Variants in STK32B observed in about 807,000 individuals in gnomAD.
STK32B encodes the protein serine/threonine-protein kinase 32B.
A neutral mutation model predicts 52.6 loss-of-function variants in STK32B; 43 were observed. The ratio of observed to expected loss-of-function variants is 0.82; its 90% CI spans 0.64 to 1.05. The LOEUF is 1.05. Among genes scored for constraint, STK32B ranks in the 50% least tolerant of loss-of-function variants. The probability of loss-of-function intolerance (pLI) is 0.00; values close to 1 mark genes in which losing one functional copy is unlikely to be tolerated. For missense variants in STK32B, 621 were observed against 534.6 expected, an observed-to-expected ratio of 1.16 and a Z score of -1.59; for synonymous variants, 238 against 204.3, an observed-to-expected ratio of 1.17 and a Z score of -1.41.
chr4:5,243,356 C>A (rs528004154), intron 3 of STK32B, among the ~76,000 whole-genome samples: 9 of 152,240 alleles, frequency 5.9e-5, no homozygotes, highest in Admixed American at 1.3e-4. Flanking sequence ...AATGGGAGTT[C>A]ACTCATGATT....
rs146869910 is a variant in STK32B, at chr4:5,499,930, C to T, written c.*847C>T. 6.6e-6 allele frequency: 1 copy of T among 152,232 alleles called. No individual in the cohort carries two copies. Among genetic ancestry groups the T allele is most frequent in the East Asian group, 1.9e-4 (1 of 5,182 alleles). The allele number at this position is 152,232 out of a possible 1,614,324, so 9.4% of individuals were successfully genotyped here. A position where few individuals can be genotyped will look rare whatever the true frequency, so the allele number is the denominator to read the frequency against. On this transcript the variant is annotated 3_prime_UTR_variant, in exon 12 of 12. Coordinates refer to ENST00000282908, the MANE Select transcript of STK32B (RefSeq NM_018401.3). Reference sequence around the variant, plus strand: ...GCAGAACTCTCCAACTCTCTATCAGCTTTCAGGGTTTTCTCTCCTGGGAAG... The same window carrying T: ...GCAGAACTCTCCAACTCTCTATCAGTTTTCAGGGTTTTCTCTCCTGGGAAG...
chr4:5,175,353 C>T (rs1205390029), intron 3 of STK32B, among the ~76,000 whole-genome samples: 1 of 152,208 alleles, frequency 6.6e-6, no homozygotes, highest in Non-Finnish European at 1.5e-5. Context: ...TGAGGAGCTG[C>T]GTTCCTTTGG....
intron 1 of STK32B, among the ~76,000 whole-genome samples, chr4:5,077,581 CCTT>C (rs1271649953): frequency 6.6e-6 from 1 of 152,146 alleles, no homozygotes; most frequent in Non-Finnish European, 1.5e-5. Context: ...CCTCCCCAGC[CCTT>C]TTCCCAAGAT....
rs1200954296 is a variant in STK32B at position 5,489,993 on chromosome 4, T to C, written c.1107-8952T>C. Among the ~76,000 whole-genome samples the C allele has an allele frequency of 2.6e-5, 4 of 152,206 alleles. No homozygotes were observed. The East Asian group carries it at 5.8e-4, about 22-fold the overall frequency. On this transcript the variant is annotated intron_variant, in intron 11 of 11. Transcript: ENST00000282908. ...TCTTGTAGTTTTTATTTTAGAATTTTGTCATTGGATAGTAATACAAACTCA... is the reference window on the plus strand; with the variant it reads ...TCTTGTAGTTTTTATTTTAGAATTTCGTCATTGGATAGTAATACAAACTCA...
chr4:5,169,849 C>A (rs1200045020), intron 3 of STK32B, among the ~76,000 whole-genome samples: 2 of 152,130 alleles, frequency 1.3e-5, no homozygotes, highest in African/African-American at 4.8e-5. Context: ...GCTCTTCAGA[C>A]TCAGATTAAA....
chr4:5,088,058 C>T (rs553785974), intron 1 of STK32B, among the ~76,000 whole-genome samples: 13 of 152,032 alleles, frequency 8.6e-5, no homozygotes, highest in African/African-American at 3.1e-4. Context: ...AAAACAGTCT[C>T]AATAAGTTTA....
At chr4:5,259,808 A>C (rs1422398398) in intron 3 of STK32B, among the ~76,000 whole-genome samples, 1 of 152,168 alleles carries the variant, frequency 6.6e-6, no homozygotes, top group Non-Finnish European at 1.5e-5. Flanking sequence ...ATTTTAATGC[A>C]AAATAATAAG....
intron 3 of STK32B, among the ~76,000 whole-genome samples, chr4:5,242,733 C>G (rs1344171049): frequency 6.6e-6 from 1 of 152,146 alleles, no homozygotes; most frequent in Non-Finnish European, 1.5e-5. Context: ...AGTCTTTAAT[C>G]CATCTTGCAT....
At chr4:5,314,880 A>G (rs1220961448) in intron 3 of STK32B, among the ~76,000 whole-genome samples, 1 of 152,188 alleles carries the variant, frequency 6.6e-6, no homozygotes, top group African/African-American at 2.4e-5. Flanking sequence ...TAAAAATATA[A>G]CATTGATAGA....
intron 3 of STK32B, among the ~76,000 whole-genome samples, chr4:5,200,951 C>G (rs527665811): frequency 6.6e-6 from 1 of 152,338 alleles, no homozygotes; most frequent in East Asian, 1.9e-4. Context: ...CCTCAACAGA[C>G]AGGTGGTACT....
intron 2 of STK32B, among the ~76,000 whole-genome samples, chr4:5,146,123 G>A (rs1197842430): frequency 8.0e-5 from 12 of 150,770 alleles, no homozygotes; most frequent in South Asian, 2.1e-4. Context: ...GATTGTGTAC[G>A]ACGATTGTCT....
At chr4:5,130,278 G>A (rs1195508698) in intron 1 of STK32B, among the ~76,000 whole-genome samples, 1 of 151,826 alleles carries the variant, frequency 6.6e-6, no homozygotes, top group African/African-American at 2.4e-5. Context: ...AGAGTGCCTG[G>A]GCTGTGAGGC....
intron 11 of STK32B, among the ~76,000 whole-genome samples, chr4:5,480,803 A>G (rs978252767): frequency 1.3e-5 from 2 of 151,872 alleles, no homozygotes; most frequent in Admixed American, 6.6e-5. Context: ...TCATTGTTCA[A>G]TTCCCACCTA....
chr4:5,430,449 TC>T (rs1270503017), intron 6 of STK32B, among the ~76,000 whole-genome samples: 2 of 152,214 alleles, frequency 1.3e-5, no homozygotes, highest in Non-Finnish European at 2.9e-5. Flanking sequence ...TCTATTGAAA[TC>T]CCCGTCTGTT....
intron 3 of STK32B, among the ~76,000 whole-genome samples, chr4:5,175,644 C>T (rs1719811401): frequency 1.3e-5 from 2 of 152,198 alleles, no homozygotes; most frequent in African/African-American, 2.4e-5. Flanking sequence ...AATGCTGCTG[C>T]CTGATCGTTC....
At chr4:5,203,541 AG>A (rs1309971372) in intron 3 of STK32B, among the ~76,000 whole-genome samples, 1 of 151,972 alleles carries the variant, frequency 6.6e-6, no homozygotes, top group Non-Finnish European at 1.5e-5. Flanking sequence ...GTGACTGTAC[AG>A]GGGTTGGGCC....
chr4:5,028,817 C>G, the STK32B span, among the ~76,000 whole-genome samples: 88 of 152,246 alleles, frequency 5.8e-4, no homozygotes, highest in Non-Finnish European at 1.1e-3. Flanking sequence ...AAAGAAATAC[C>G]TGAGACTAGG....
At chr4:5,312,609 CA>C (rs1730376605) in intron 3 of STK32B, among the ~76,000 whole-genome samples, 1 of 152,030 alleles carries the variant, frequency 6.6e-6, no homozygotes, top group African/African-American at 2.4e-5. Context: ...CTACAAAGGA[CA>C]TGAACTCATC....
chr4:5,217,718 G>A (rs1049805544), intron 3 of STK32B, among the ~76,000 whole-genome samples: 2 of 152,320 alleles, frequency 1.3e-5, no homozygotes, highest in Admixed American at 6.5e-5. Flanking sequence ...TAAGTCTAAT[G>A]TCTGGACTTG....
Sources: gnomAD v4.1 joint callset for allele counts (sites outside exome capture counted in the v4.1 genomes callset) on GRCh38, gnomAD v4.1.1 for gene constraint, MANE v1.5 for transcripts, NCBI Gene and HGNC (gene_info 2026-07-23, HGNC 2026-07-21) for gene names.